Variants in LRRC69 observed in about 807,000 individuals in gnomAD.
The protein encoded by LRRC69 is leucine-rich repeat-containing protein 69.
LRRC69 carries 42 observed loss-of-function variants against 37.8 expected under a neutral mutation model. The ratio of observed to expected loss-of-function variants is 1.11; its 90% CI spans 0.87 to 1.44. LRRC69 has a LOEUF of 1.44. LRRC69 is among the 40% of genes most tolerant of loss of function. The probability of loss-of-function intolerance (pLI) is 0.00; values close to 1 mark genes in which losing one functional copy is unlikely to be tolerated. For synonymous variants in LRRC69, 141 were observed against 143.1 expected (o/e 0.99, Z 0.11); for missense variants, 357 against 401.9 (o/e 0.89, Z 0.96).
At chr8:91,219,046 A>G (rs1223627713), downstream of LRRC69, 1 of 1,029,722 alleles carries the variant, frequency 9.7e-7, no homozygotes, top group South Asian at 1.5e-5. Context: ...TTGCCCTGTC[A>G]GCTCTGCATA....
At chr8:91,119,994 A>G (rs933424276) in intron 1 of LRRC69, among the ~76,000 whole-genome samples, 5 of 151,790 alleles carry the variant, frequency 3.3e-5, no homozygotes, top group African/African-American at 7.3e-5. Context: ...GGTTATTTCC[A>G]TCAGCACATA....
chr8:91,150,791 A>G (rs1040788098), intron 5 of LRRC69, among the ~76,000 whole-genome samples: 2 of 151,984 alleles, frequency 1.3e-5, no homozygotes, highest in East Asian at 1.9e-4. Flanking sequence ...CAGAGATTCA[A>G]CTTCTTCCTG....
chr8:91,166,898 G>A lies in LRRC69; in HGVS notation c.652-22624G>A, dbSNP rs547847586. ...TTTAACAAAGGTTCTGCCCCTGGTCGTTTTCAGACACAGAGCTGGTTATAG... is the reference window on the plus strand; with the variant it reads ...TTTAACAAAGGTTCTGCCCCTGGTCATTTTCAGACACAGAGCTGGTTATAG... On this transcript the variant is annotated intron_variant, in intron 5 of 7. Coordinates refer to ENST00000448384, the Ensembl canonical transcript of LRRC69. Among the ~76,000 whole-genome samples, 99 of 151,986 alleles carry A rather than the reference G, an allele frequency of 6.5e-4. 1 individual carries two copies. The highest frequency in any genetic ancestry group is 2.3e-3 in the African/African-American group (97 of 41,532).
chr8:91,208,735 A>G (rs1809851118), intron 7 of LRRC69, among the ~76,000 whole-genome samples: 1 of 152,004 alleles, frequency 6.6e-6, no homozygotes. Flanking sequence ...AAGTAGTGTC[A>G]TGGTATTAGG....
intron 3 of LRRC69, chr8:91,130,545 G>A (rs191851947): frequency 6.6e-6 from 1 of 152,186 alleles, no homozygotes; most frequent in East Asian, 1.9e-4. Context: ...AAAATGTTGG[G>A]ATTGTAGGCG....
chr8:91,102,931 A>G (rs1295616309), intron 1 of LRRC69, 87 bp downstream of exon 1: 1 of 1,246,280 alleles, frequency 8.0e-7, no homozygotes, highest in African/African-American at 1.5e-5. Flanking sequence ...CAGAACAATA[A>G]CACTTCGATC....
At chr8:91,164,996 T>A (rs1420418710) in intron 5 of LRRC69, among the ~76,000 whole-genome samples, 2 of 151,620 alleles carry the variant, frequency 1.3e-5, no homozygotes, top group Non-Finnish European at 2.9e-5. Context: ...CCTCCCTAAC[T>A]CCTATAGGCT....
intron 5 of LRRC69, among the ~76,000 whole-genome samples, chr8:91,185,150 C>T (rs200184913): frequency 1.4e-4 from 21 of 152,222 alleles, no homozygotes; most frequent in African/African-American, 3.6e-4. Flanking sequence ...GGGGACTGTG[C>T]GGTGACACAA....
intron 5 of LRRC69, among the ~76,000 whole-genome samples, chr8:91,176,115 C>CATATATATATAT (rs1220622429): frequency 4.9e-5 from 5 of 102,330 alleles, no homozygotes; most frequent in African/African-American, 2.0e-4. Context: ...CACCATCCCT[C>CATATATATATAT]ATATATATAT....
chr8:91,118,920 C>T (rs2130493948), intron 1 of LRRC69, among the ~76,000 whole-genome samples: 1 of 152,214 alleles, frequency 6.6e-6, no homozygotes, highest in East Asian at 1.9e-4. Flanking sequence ...CATCAAGTGT[C>T]ATCTTCTCAG....
chr8:91,123,847 G>A (rs921861149), intron 1 of LRRC69, among the ~76,000 whole-genome samples: 7 of 151,954 alleles, frequency 4.6e-5, no homozygotes, highest in Admixed American at 2.0e-4. Flanking sequence ...TTTAACTCCC[G>A]TTATGTGCAG....
chr8:91,130,655 G>C (rs1312438114), intron 3 of LRRC69: 1 of 151,870 alleles, frequency 6.6e-6, no homozygotes, highest in African/African-American at 2.4e-5. Context: ...ATGTACATTT[G>C]GGTTATTTCC....
chr8:91,153,601 C>T (rs1173684038), intron 5 of LRRC69, among the ~76,000 whole-genome samples: 1 of 151,928 alleles, frequency 6.6e-6, no homozygotes, highest in Non-Finnish European at 1.5e-5. Flanking sequence ...GAACAACCTG[C>T]TCCTGAATGA....
At chr8:91,151,006 A>G (rs912368626) in intron 5 of LRRC69, among the ~76,000 whole-genome samples, 2 of 151,640 alleles carry the variant, frequency 1.3e-5, no homozygotes, top group African/African-American at 4.8e-5. Flanking sequence ...CTAGTGGTCT[A>G]TCAATTTTGT....
At chr8:91,118,878 A>G (rs1813565901) in intron 1 of LRRC69, among the ~76,000 whole-genome samples, 3 of 152,054 alleles carry the variant, frequency 2.0e-5, no homozygotes, top group Admixed American at 1.3e-4. Flanking sequence ...CACCATTTGA[A>G]ACAATGTTGT....
intron 5 of LRRC69, among the ~76,000 whole-genome samples, chr8:91,146,817 C>T (rs1808627003): frequency 6.6e-6 from 1 of 151,848 alleles, no homozygotes; most frequent in East Asian, 1.9e-4. Flanking sequence ...TTTAGCCCTC[C>T]CTCCATGTCC....
chr8:91,208,369 G>C (rs1354278447), intron 7 of LRRC69, among the ~76,000 whole-genome samples: 1 of 152,208 alleles, frequency 6.6e-6, no homozygotes, highest in Non-Finnish European at 1.5e-5. Flanking sequence ...TACTCAGTAG[G>C]GTGAGAAGAC....
intron 6 of LRRC69, among the ~76,000 whole-genome samples, chr8:91,191,619 T>C (rs2130613136): frequency 6.6e-6 from 1 of 152,206 alleles, no homozygotes; most frequent in East Asian, 1.9e-4. Context: ...GCAATATTGG[T>C]TCAGAAAGGG....
chr8:91,174,222 T>C (rs1156314680), intron 5 of LRRC69, among the ~76,000 whole-genome samples: 1 of 152,128 alleles, frequency 6.6e-6, no homozygotes, highest in Non-Finnish European at 1.5e-5. Context: ...CCCCAGCCTG[T>C]AAGTCCAGTG....
Sources: allele counts gnomAD v4.1 joint callset (sites outside exome capture counted in the v4.1 genomes callset), GRCh38; gene constraint gnomAD v4.1.1; transcripts MANE v1.5; gene names NCBI Gene and HGNC (gene_info 2026-07-23, HGNC 2026-07-21).